FMNL2: variants seen among roughly 807,000 people sequenced by gnomAD.
FMNL2 encodes formin-like protein 2.
In FMNL2, 51 loss-of-function variants were observed where a neutral mutation model predicts 130.2. That is an observed-to-expected ratio of 0.39 (90% CI 0.31 to 0.49). The LOEUF (loss-of-function observed/expected upper bound fraction) is 0.49. Among genes scored for constraint, FMNL2 ranks in the 20% least tolerant of loss-of-function variants. The probability of loss-of-function intolerance (pLI) is 0.85; values close to 1 mark genes in which losing one functional copy is unlikely to be tolerated. For missense variants in FMNL2, 977 were observed against 1,316.2 expected (o/e 0.74, Z 3.99); for synonymous variants, 465 against 467.1 (o/e 1.00, Z 0.06).
chr2:152,418,339 C>T (rs192128496), intron 1 of FMNL2, among the ~76,000 whole-genome samples: 81 of 152,200 alleles, frequency 5.3e-4, no homozygotes, highest in African/African-American at 1.9e-3. Context: ...TTTAAGCATA[C>T]GGTTCAGTGG....
chr2:152,451,068 A>G (rs1159532735), intron 1 of FMNL2, among the ~76,000 whole-genome samples: 2 of 152,328 alleles, frequency 1.3e-5, no homozygotes, highest in East Asian at 3.9e-4. Context: ...TTTGAAAACC[A>G]TGGGAGGAGA....
At chr2:152,342,111 G>A (rs918740914) in intron 1 of FMNL2, among the ~76,000 whole-genome samples, 2 of 152,146 alleles carry the variant, frequency 1.3e-5, no homozygotes, top group African/African-American at 4.8e-5. Flanking sequence ...TGTTTGTTCT[G>A]GAAATTCATT....
chr2:152,431,742 G>T (rs1687501236), intron 1 of FMNL2, among the ~76,000 whole-genome samples: 1 of 152,008 alleles, frequency 6.6e-6, no homozygotes, highest in South Asian at 2.1e-4. Context: ...GAGGCAGGAA[G>T]ATTGCTTGAG....
At chr2:152,452,413 A>G (rs1273401072) in intron 1 of FMNL2, among the ~76,000 whole-genome samples, 1 of 152,170 alleles carries the variant, frequency 6.6e-6, no homozygotes, top group Non-Finnish European at 1.5e-5. Context: ...TGGAGTCGCC[A>G]TTGGAAGTCT....
intron 2 of FMNL2, chr2:152,539,113 T>A (rs1444241264): frequency 6.6e-6 from 1 of 152,174 alleles, no homozygotes; most frequent in Non-Finnish European, 1.5e-5. Context: ...ATCAATGATA[T>A]AAGTACCTTT....
intron 1 of FMNL2, among the ~76,000 whole-genome samples, chr2:152,450,374 G>T (rs1033180705): frequency 6.6e-6 from 1 of 152,196 alleles, no homozygotes; most frequent in African/African-American, 2.4e-5. Context: ...TCCTTTTGCA[G>T]TGTTCCGTGG....
chr2:152,591,816 A>T (rs142674336), intron 9 of FMNL2, among the ~76,000 whole-genome samples: 40 of 152,264 alleles, frequency 2.6e-4, no homozygotes, highest in African/African-American at 8.7e-4. Flanking sequence ...TAAAGAAAAG[A>T]TAAGGCAGCC....
intron 1 of FMNL2, among the ~76,000 whole-genome samples, chr2:152,381,788 C>T (rs1684477187): frequency 6.7e-6 from 1 of 149,828 alleles, no homozygotes; most frequent in Admixed American, 6.8e-5. Context: ...GATTAGTTAG[C>T]ATAACAAACA....
chr2:152,413,847 C>T (rs951614881), intron 1 of FMNL2, among the ~76,000 whole-genome samples: 1 of 152,190 alleles, frequency 6.6e-6, no homozygotes, highest in African/African-American at 2.4e-5. Context: ...GACACAGCAC[C>T]ATGATAGGCT....
At chr2:152,567,438 C>A (rs1221364724) in intron 6 of FMNL2, among the ~76,000 whole-genome samples, 2 of 152,150 alleles carry the variant, frequency 1.3e-5, no homozygotes, top group African/African-American at 4.8e-5. Flanking sequence ...TTTTTTCTTT[C>A]TTTCCCTCTT....
chr2:152,389,836 C>A, intron 1 of FMNL2: 1 of 1,172,802 alleles, frequency 8.5e-7, no homozygotes, highest in Non-Finnish European at 1.3e-6. Context: ...GGCAAAGAAG[C>A]TTATCATACA....
chr2:152,581,387 T>A (rs56220401), intron 9 of FMNL2, among the ~76,000 whole-genome samples: 32,380 of 152,114 alleles, frequency 0.21, 5,013 homozygotes, highest in African/African-American at 0.44. Flanking sequence ...TCGTCCACCA[T>A]GCAAATTTTA....
intron 16 of FMNL2, 53 bp from the exon 17 acceptor site, chr2:152,626,472 A>G (rs1354759232): frequency 2.0e-6 from 3 of 1,471,072 alleles, no homozygotes; most frequent in Non-Finnish European, 1.8e-6. Context: ...TGGCTTCCGG[A>G]CTTCATTTTT....
At chr2:152,542,664 G>A in intron 2 of FMNL2, 75 bp from the exon 3 acceptor site, 1 of 1,473,450 alleles carries the variant, frequency 6.8e-7, no homozygotes, top group Non-Finnish European at 9.5e-7. Context: ...TCATATTTTG[G>A]TAACATAATC....
At chr2:152,433,837 A>G (rs1402547623) in intron 1 of FMNL2, among the ~76,000 whole-genome samples, 1 of 152,178 alleles carries the variant, frequency 6.6e-6, no homozygotes, top group Non-Finnish European at 1.5e-5. Context: ...CCTTCTAAAG[A>G]AAAGGCTCTG....
chr2:152,493,488 T>G lies in FMNL2; in HGVS notation c.118-28455T>G, dbSNP rs144092182. Among the ~76,000 whole-genome samples, 333 of 152,312 alleles carry G rather than the reference T, an allele frequency of 2.2e-3. 3 individuals carry two copies. Among genetic ancestry groups the G allele is most frequent in the Non-Finnish European group, 2.4e-3 (166 of 68,012 alleles). On this transcript the variant is annotated intron_variant, in intron 1 of 25. Coordinates refer to ENST00000288670, the MANE Select transcript of FMNL2 (RefSeq NM_052905.4). ...ACCCTCTAAACCTCATGTTGAAATG[T>G]GATCCCCAATGTTGGGAGGTGGAGC... is the stretch of plus-strand genomic sequence containing the variant.
chr2:152,506,485 G>A (rs1380511246), intron 1 of FMNL2, among the ~76,000 whole-genome samples: 4 of 152,072 alleles, frequency 2.6e-5, no homozygotes, highest in African/African-American at 4.8e-5. Flanking sequence ...ATTGTTTAGC[G>A]AATAGTGGCA....
Position 152,341,815 on chromosome 2 carries a change from A to G in FMNL2, c.117+6095A>G, listed in dbSNP as rs569842277. Among the ~76,000 whole-genome samples, 4 of 152,378 alleles carry G rather than the reference A, an allele frequency of 2.6e-5. No individual in the cohort carries two copies. The South Asian group carries it at 8.3e-4, about 32-fold the overall frequency. ...TCCCCAGGGTCAGTGACTGAAAGTC[A>G]TATGAGCATAGGGAAAAATATTCTA... On this transcript the variant is annotated intron_variant, in intron 1 of 25. Transcript: ENST00000288670.
intron 9 of FMNL2, among the ~76,000 whole-genome samples, chr2:152,599,405 CTTTTTTTTTTTTTTTTTTT>C (rs35753197): frequency 0.054 from 2,457 of 45,320 alleles, 170 homozygotes; most frequent in African/African-American, 0.17. Context: ...TGAAGGTCAT[CTTTTTTTTTTTTTTTTTTT>C]TTTTTTTTTT....
Sources: allele counts gnomAD v4.1 joint callset (sites outside exome capture counted in the v4.1 genomes callset), GRCh38; gene constraint gnomAD v4.1.1; transcripts MANE v1.5; gene names NCBI Gene and HGNC (gene_info 2026-07-23, HGNC 2026-07-21).